The following RBM20 variants were observed in gnomAD, a reference collection of about 807,000 sequenced individuals.
RBM20 encodes the protein RNA binding motif protein 20.
A neutral mutation model predicts 110.1 loss-of-function variants in RBM20; 51 were observed. The observed-to-expected ratio is 0.46, with a 90% CI of 0.37 to 0.59. The LOEUF is 0.59. Ranked by LOEUF, RBM20 falls within the 20% of genes least tolerant of loss-of-function variation. The pLI, the probability that RBM20 is intolerant of heterozygous loss-of-function variation, is 0.00. For missense variants in RBM20, 1,512 were observed against 1,574.9 expected (o/e 0.96, Z 0.68); for synonymous variants, 589 against 618.2 (o/e 0.95, Z 0.70).
At chr10:110,740,643 C>A (rs1225040745) in intron 1 of RBM20, among the ~76,000 whole-genome samples, 1 of 152,166 alleles carries the variant, frequency 6.6e-6, no homozygotes, top group Non-Finnish European at 1.5e-5. Context: ...AGTTTATGGC[C>A]ACCTTGATGT....
intron 3 of RBM20, among the ~76,000 whole-genome samples, chr10:110,783,772 C>T (rs1452189196): frequency 6.6e-6 from 1 of 152,184 alleles, no homozygotes; most frequent in Non-Finnish European, 1.5e-5. Context: ...TTTGAAAATA[C>T]TTTGAAGTAT....
intron 5 of RBM20, among the ~76,000 whole-genome samples, chr10:110,793,768 G>A (rs1844513476): frequency 6.6e-6 from 1 of 152,244 alleles, no homozygotes; most frequent in Non-Finnish European, 1.5e-5. Context: ...AAGTTAAAAT[G>A]CAGTTCCTTA....
Position 110,821,354 on chromosome 10 carries a change from A to ACGAG in RBM20, c.2736_2739dup (p.Val914ArgfsTer24). On this transcript the variant is annotated frameshift_variant, in exon 11 of 14. Transcript: ENST00000369519. LOFTEE classifies it high-confidence loss of function. ...AACATGGAGGAGCTGGTGACAGTGG[A>ACGAG]CGAGGTTGGGGAAGAAGAAGATTTT... 6.4e-7 allele frequency: 1 copy of ACGAG among 1,551,750 alleles called. No homozygotes were observed. The highest frequency in any genetic ancestry group is 8.7e-7 in the Non-Finnish European group (1 of 1,146,982).
chr10:110,718,394 C>T (rs73356949), intron 1 of RBM20, among the ~76,000 whole-genome samples: 3,447 of 152,236 alleles, frequency 0.023, 114 homozygotes, highest in African/African-American at 0.075. Context: ...ACTGGACTCT[C>T]CCTTGCAAAA....
intron 1 of RBM20, among the ~76,000 whole-genome samples, chr10:110,745,422 T>G (rs1009118695): frequency 6.6e-6 from 1 of 152,186 alleles, no homozygotes; most frequent in Non-Finnish European, 1.5e-5. Context: ...TGGCTGGCTG[T>G]CTGACAGTGG....
At chr10:110,648,917 T>C (rs1861906903) in intron 1 of RBM20, among the ~76,000 whole-genome samples, 1 of 152,202 alleles carries the variant, frequency 6.6e-6, no homozygotes, top group Non-Finnish European at 1.5e-5. Flanking sequence ...ATTATTCCCA[T>C]TAGTCACAGT....
At chr10:110,679,888 T>C (rs1862397792) in intron 1 of RBM20, among the ~76,000 whole-genome samples, 1 of 152,176 alleles carries the variant, frequency 6.6e-6, no homozygotes, top group Non-Finnish European at 1.5e-5. Context: ...ATTCACTTGG[T>C]GATTGTCATT....
At chr10:110,686,962 C>G (rs935124121) in intron 1 of RBM20, among the ~76,000 whole-genome samples, 15 of 151,872 alleles carry the variant, frequency 9.9e-5, no homozygotes, top group Admixed American at 7.9e-4. Flanking sequence ...TTGCTTGAAC[C>G]CAGGAGGCGG....
chr10:110,761,402 C>T (rs1185431888), intron 1 of RBM20, among the ~76,000 whole-genome samples: 1 of 149,610 alleles, frequency 6.7e-6, no homozygotes, highest in Non-Finnish European at 1.5e-5. Context: ...CAATTTTGTG[C>T]ACTGGTTTTA....
intron 9 of RBM20, among the ~76,000 whole-genome samples, chr10:110,818,315 G>C (rs963118831): frequency 7.9e-5 from 10 of 126,044 alleles, no homozygotes; most frequent in South Asian, 2.5e-4. Context: ...AAACCAAAAC[G>C]ACAATATGGT....
rs1264035971 is a variant in RBM20 at position 110,802,391 on chromosome 10, T to G, written c.1800+2473T>G. Among the ~76,000 whole-genome samples, 4 of 151,732 alleles carry G rather than the reference T, an allele frequency of 2.6e-5. No individual in the cohort carries two copies. In the South Asian group the frequency reaches 8.3e-4, roughly 32 times the overall value. On this transcript the variant is annotated intron_variant, in intron 7 of 13. Transcript: ENST00000369519. ...CTTCAGGCAGAACCTGGCTTTTTTTTTTTTTTTTTTCCTAATAAAAGTATA... is the reference window on the plus strand; with the variant it reads ...CTTCAGGCAGAACCTGGCTTTTTTTGTTTTTTTTTTCCTAATAAAAGTATA...
At chr10:110,765,317 A>G (rs1844065136) in intron 1 of RBM20, among the ~76,000 whole-genome samples, 1 of 151,526 alleles carries the variant, frequency 6.6e-6, no homozygotes, top group Admixed American at 6.6e-5. Context: ...TGTTTGAAAC[A>G]TCTCGTATGT....
chr10:110,685,473 C>T (rs1468077884), intron 1 of RBM20, among the ~76,000 whole-genome samples: 1 of 152,154 alleles, frequency 6.6e-6, no homozygotes, highest in African/African-American at 2.4e-5. Context: ...TGGAAGATAG[C>T]TCTGGCATTT....
At chr10:110,682,980 A>G (rs1862444969) in intron 1 of RBM20, among the ~76,000 whole-genome samples, 1 of 152,092 alleles carries the variant, frequency 6.6e-6, no homozygotes, top group East Asian at 1.9e-4. Context: ...TTGTTTATTT[A>G]TCAAGTATTT....
chr10:110,644,081 C>T (rs2134791383), upstream of RBM20, among the ~76,000 whole-genome samples: 1 of 152,298 alleles, frequency 6.6e-6, no homozygotes, highest in East Asian at 1.9e-4. The surrounding 1 kb of genome is among the most constrained non-coding windows in gnomAD (Gnocchi z 4.3). Context: ...GAACGCTGGG[C>T]TACGGACCCT....
intron 1 of RBM20, among the ~76,000 whole-genome samples, chr10:110,779,259 T>A (rs984552148): frequency 6.6e-6 from 1 of 152,136 alleles, no homozygotes; most frequent in African/African-American, 2.4e-5. Context: ...AGAATGGGGC[T>A]GAAAGTAGAG....
intron 1 of RBM20, among the ~76,000 whole-genome samples, chr10:110,661,639 G>A (rs1862103241): frequency 6.6e-6 from 1 of 152,208 alleles, no homozygotes; most frequent in Admixed American, 6.5e-5. Flanking sequence ...TGCCTTCTCT[G>A]TAAGAAAGCA....
chr10:110,786,550 C>G (rs1471400859), intron 5 of RBM20, among the ~76,000 whole-genome samples: 1 of 152,192 alleles, frequency 6.6e-6, no homozygotes, highest in Non-Finnish European at 1.5e-5. Flanking sequence ...GTCTGGAAGC[C>G]CACATTTTGG....
intron 1 of RBM20, among the ~76,000 whole-genome samples, chr10:110,743,447 T>C (rs1437696975): frequency 6.6e-6 from 1 of 152,212 alleles, no homozygotes; most frequent in African/African-American, 2.4e-5. Context: ...AGTTACACTT[T>C]TTATTTGTTA....
Sources: allele counts gnomAD v4.1 joint callset (sites outside exome capture counted in the v4.1 genomes callset), GRCh38; gene constraint gnomAD v4.1.1; non-coding constraint Gnocchi (gnomAD v3.1); transcripts MANE v1.5; gene names NCBI Gene and HGNC (gene_info 2026-07-23, HGNC 2026-07-21).